CPNE2: variants seen among roughly 807,000 people sequenced by gnomAD.
CPNE2 encodes copine-2.
CPNE2 carries 42 observed loss-of-function variants against 69.7 expected under a neutral mutation model. The ratio of observed to expected loss-of-function variants is 0.60; its 90% CI spans 0.47 to 0.78. The LOEUF is 0.78. Among genes scored for constraint, CPNE2 ranks in the 30% least tolerant of loss-of-function variants. CPNE2 has a pLI of 0.00. For missense variants in CPNE2, 587 were observed against 732.0 expected, an observed-to-expected ratio of 0.80 and a Z score of 2.29; for synonymous variants, 294 against 289.8, an observed-to-expected ratio of 1.01 and a Z score of -0.15.
chr16:57,133,742 C>T (rs2069855817), intron 12 of CPNE2, among the ~76,000 whole-genome samples: 1 of 152,156 alleles, frequency 6.6e-6, no homozygotes, highest in Admixed American at 6.5e-5. Flanking sequence ...CAGTTCGAGT[C>T]CCAGCTCTGC....
rs572150300 is a variant in CPNE2, at chr16:57,128,026, C to T, written c.1116+123C>T. The stretch of plus-strand genomic sequence containing the variant: ...TGTTGCCCTGCCTTCCCTGTGTTCA[C>T]CCCAGGCCACGCTCATTTCTCAAGC... On this transcript the variant is annotated intron_variant, in intron 12 of 15. Transcript: ENST00000290776. 128 of 913,162 alleles carry T rather than the reference C, an allele frequency of 1.4e-4. No individual in the cohort carries two copies. The East Asian group carries it at 2.8e-3, about 20-fold the overall frequency. The allele number at this position is 913,162 out of a possible 1,614,324, so 56.6% of individuals were successfully genotyped here.
At chr16:57,138,389 T>A (rs2069898151) in intron 14 of CPNE2, among the ~76,000 whole-genome samples, 1 of 152,086 alleles carries the variant, frequency 6.6e-6, no homozygotes, top group Non-Finnish European at 1.5e-5. Context: ...AAGCTACCAT[T>A]TGTTTCCCCC....
At position 57,146,579 on chromosome 16, in the gene CPNE2, G is replaced by A. The variant is rs760598663; in HGVS notation, c.1539+258G>A. 6.2e-5 allele frequency: 30 copies of A among 487,120 alleles called. No individual in the cohort carries two copies. The highest frequency in any genetic ancestry group is 1.0e-4 in the Non-Finnish European group (27 of 270,240). 30.2% of individuals were successfully genotyped at this position (487,120 alleles called of 1,614,324 possible). ...CGTGGGCATCTAGCCTGAGGCTCTG[G>A]GGCAGGGCTTCCTGGAGGACCTGCC... On this transcript the variant is annotated intron_variant, in intron 15 of 15. Coordinates refer to ENST00000290776, the MANE Select transcript of CPNE2 (RefSeq NM_152727.6). The surrounding 1 kb of genome is among the most constrained non-coding windows in gnomAD (Gnocchi z 4.4).
chr16:57,113,179 C>T, intron 2 of CPNE2, 109 bp from the exon 3 acceptor site: 2 of 1,017,156 alleles, frequency 2.0e-6, no homozygotes, highest in Non-Finnish European at 2.9e-6. Flanking sequence ...CCACAAGAGC[C>T]TGGCACAGAG....
At chr16:57,113,705 T>A (rs1201908763) in intron 3 of CPNE2, among the ~76,000 whole-genome samples, 1 of 152,166 alleles carries the variant, frequency 6.6e-6, no homozygotes, top group African/African-American at 2.4e-5. Flanking sequence ...GGGATTCCGA[T>A]TGTTAGATAT....
At chr16:57,134,058 T>C (rs1055131596) in intron 12 of CPNE2, among the ~76,000 whole-genome samples, 11 of 152,168 alleles carry the variant, frequency 7.2e-5, no homozygotes, top group Admixed American at 4.6e-4. Context: ...GGGCCAGTTA[T>C]GAGTCCTTCT....
At chr16:57,105,076 C>T (rs1295959156) in intron 1 of CPNE2, among the ~76,000 whole-genome samples, 4 of 152,112 alleles carry the variant, frequency 2.6e-5, no homozygotes, top group Non-Finnish European at 4.4e-5. Context: ...TTAAAGACTC[C>T]CTCTGGCTCT....
At chr16:57,139,211 G>A (rs2069904422) in intron 14 of CPNE2, among the ~76,000 whole-genome samples, 1 of 152,158 alleles carries the variant, frequency 6.6e-6, no homozygotes, top group Non-Finnish European at 1.5e-5. Flanking sequence ...GAATCATAGG[G>A]GGTCGAAGTG....
chr16:57,119,359 G>A (rs2069744110), intron 6 of CPNE2, 81 bp downstream of exon 6: 8 of 1,427,342 alleles, frequency 5.6e-6, no homozygotes, highest in East Asian at 4.6e-5. Flanking sequence ...AGGGAGGTGC[G>A]GTCACAGCCG....
Position 57,111,301 on chromosome 16 carries a change from C to T in CPNE2, c.180+379C>T, listed in dbSNP as rs1451299207. On this transcript the variant is annotated intron_variant, in intron 2 of 15. Coordinates refer to ENST00000290776, the MANE Select transcript of CPNE2 (RefSeq NM_152727.6). ...AAGCAATTCTCCTGCCTCAGCCTCC[C>T]GATTAGCTGGGGCTACAGGTGTGCA... 3.3e-5 allele frequency among the ~76,000 whole-genome samples: 5 copies of T among 151,638 alleles called. No individual in the cohort carries two copies. The East Asian group carries it at 5.8e-4, about 18-fold the overall frequency.
chr16:57,113,310 T>A lies in CPNE2; in HGVS notation c.203T>A (p.Ile68Asn). The A allele has an allele frequency of 6.2e-7, 1 of 1,614,072 alleles. No homozygotes were observed. Residue 68 changes from isoleucine (I) to asparagine (N), a missense_variant, in exon 3 of 16, where the codon ATC (isoleucine) becomes AAC (asparagine). By Grantham distance (149) the Ile-to-Asn change is moderately radical (BLOSUM62 -3). Coordinates refer to ENST00000290776, the MANE Select transcript of CPNE2 (RefSeq NM_152727.6). Reference protein sequence around the residue: ...WIEYDRTETAINNLNPAFSKK... With the variant: ...WIEYDRTETANNNLNPAFSKK... ...TAGTACGACAGGACAGAAACCGCGA[T>A]CAACAACCTCAACCCCGCCTTCTCC...
At chr16:57,105,053 C>A (rs1433888698) in intron 1 of CPNE2, among the ~76,000 whole-genome samples, 1 of 152,146 alleles carries the variant, frequency 6.6e-6, no homozygotes, top group Non-Finnish European at 1.5e-5. Context: ...ATGGTGGCAT[C>A]TGACTTCTAG....
intron 1 of CPNE2, among the ~76,000 whole-genome samples, chr16:57,098,951 G>A (rs779024203): frequency 4.6e-5 from 7 of 152,106 alleles, no homozygotes; most frequent in Non-Finnish European, 8.8e-5. Flanking sequence ...GGTGTTTTTT[G>A]TTTTTTGTTT....
chr16:57,132,348 T>G (rs1224360888), intron 12 of CPNE2, among the ~76,000 whole-genome samples: 1 of 152,140 alleles, frequency 6.6e-6, no homozygotes, highest in African/African-American at 2.4e-5. Flanking sequence ...GAACGGGATC[T>G]GGGCAGAAGG....
At chr16:57,138,095 C>T (rs55987113) in intron 14 of CPNE2, among the ~76,000 whole-genome samples, 3,042 of 152,334 alleles carry the variant, frequency 0.02, 46 homozygotes, top group Non-Finnish European at 0.031. Context: ...CCTCACGCTC[C>T]AGCGCCGTGA....
In CPNE2 at chr16:57,146,136, G is replaced by A; in HGVS notation, c.1354G>A (p.Glu452Lys). 1 of 1,597,772 alleles carries A rather than the reference G, an allele frequency of 6.3e-7. No homozygotes were observed. The highest frequency in any genetic ancestry group is 8.5e-7 in the Non-Finnish European group (1 of 1,171,566). The change falls in exon 15 of 16, where the codon GAG (glutamate) becomes AAG (lysine). Residue 452 changes from glutamate to lysine, a missense_variant. Physicochemically the swap from Glu to Lys is moderately conservative, Grantham distance 56. This residue lies in a region of CPNE2 where 185 missense variants were observed against 252.3 expected (regional missense o/e 0.73). Transcript: ENST00000290776. This position sits in a 1 kb window ranked among gnomAD's most constrained non-coding sequence, Gnocchi z 4.4. ...ITDGVISDME[E>K]TRHAVVQASK... Reference sequence around the variant, plus strand: ...GGACGGGGTCATCAGTGACATGGAGGAGACACGGCATGCCGTGGTGCAGGC... The same window carrying A: ...GGACGGGGTCATCAGTGACATGGAGAAGACACGGCATGCCGTGGTGCAGGC...
At chr16:57,111,009 G>A in intron 2 of CPNE2, 87 bp downstream of exon 2, 1 of 1,264,194 alleles carries the variant, frequency 7.9e-7, no homozygotes, top group Admixed American at 2.3e-5. Context: ...GATCCAGGAT[G>A]TCTGATGGAA....
At chr16:57,119,077 G>C in intron 5 of CPNE2, 118 bp from the exon 6 acceptor site, 1 of 864,502 alleles carries the variant, frequency 1.2e-6, no homozygotes, top group Non-Finnish European at 1.9e-6. Flanking sequence ...GGCCAGGCTG[G>C]CTCTGCCCAC....
At chr16:57,095,766 TG>T (rs771905246) in intron 1 of CPNE2, among the ~76,000 whole-genome samples, 9 of 152,320 alleles carry the variant, frequency 5.9e-5, no homozygotes, top group Middle Eastern at 3.4e-3. Flanking sequence ...TGCCCGACCA[TG>T]GAACATTTCT....
Sources: gnomAD v4.1 joint callset for allele counts (sites outside exome capture counted in the v4.1 genomes callset) on GRCh38, gnomAD v4.1.1 for gene constraint, gnomAD v4.1.1 regional missense constraint, Gnocchi (gnomAD v3.1) non-coding constraint, MANE v1.5 for transcripts, NCBI Gene and HGNC (gene_info 2026-07-23, HGNC 2026-07-21) for gene names.